Variants in SDHAF4 observed in about 807,000 individuals in gnomAD.
The protein encoded by SDHAF4 is succinate dehydrogenase complex assembly factor 4.
In SDHAF4, 14 loss-of-function variants were observed where a neutral mutation model predicts 14.3. That is an observed-to-expected ratio of 0.98 (90% CI 0.65 to 1.53). The LOEUF is 1.53. Ranked by LOEUF, SDHAF4 falls within the 40% of genes most tolerant of loss-of-function variation. The pLI, the probability that SDHAF4 is intolerant of heterozygous loss-of-function variation, is 0.00. For missense variants in SDHAF4, 141 were observed against 129.3 expected, an observed-to-expected ratio of 1.09 and a Z score of -0.44; for synonymous variants, 63 against 47.3, an observed-to-expected ratio of 1.33 and a Z score of -1.36.
At position 70,579,473 on chromosome 6, in the gene SDHAF4, G is replaced by GT; in HGVS notation, c.124_125insT (p.Glu42ValfsTer8). 1 of 1,611,332 alleles carries GT rather than the reference G, an allele frequency of 6.2e-7. No individual in the cohort carries two copies. The highest frequency in any genetic ancestry group is 8.5e-7 in the Non-Finnish European group (1 of 1,178,530). On this transcript the variant is annotated frameshift_variant, in exon 2 of 3. Transcript: ENST00000370474. LOFTEE classifies it high-confidence loss of function. The stretch of plus-strand genomic sequence containing the variant: ...AAGTTCTTCTCAAGGAGGAAAGTCT[G>GT]AACTTGTCAAACAGTCCCTTAAGAA...
Position 70,588,625 on chromosome 6 carries a change from T to A in SDHAF4, c.228T>A (p.Asp76Glu). The A allele has an allele frequency of 6.3e-7, 1 of 1,584,280 alleles. No homozygotes were observed. The highest frequency in any genetic ancestry group is 8.6e-7 in the Non-Finnish European group (1 of 1,159,552). Residue 76 changes from aspartate to glutamate, a missense_variant, in exon 3 of 3, where the codon GAT (aspartate) becomes GAA (glutamate). By Grantham distance (45) the Asp-to-Glu change is conservative. Coordinates refer to ENST00000370474, the MANE Select transcript of SDHAF4 (RefSeq NM_145267.3). ...TCTCGTTTTCCTTAGAATTTCCAGA[T>A]GATGTTAATCCAGTGACCAAAGAAA... Reference protein sequence around the residue: ...LEKEPLEKFPDDVNPVTKEKG... With the variant: ...LEKEPLEKFPEDVNPVTKEKG...
At chr6:70,577,657 C>T (rs1222147045) in intron 1 of SDHAF4, among the ~76,000 whole-genome samples, 1 of 152,140 alleles carries the variant, frequency 6.6e-6, no homozygotes, top group Non-Finnish European at 1.5e-5. Flanking sequence ...AATCCCATCA[C>T]CCAGGTAATG....
At chr6:70,572,993 A>G (rs1201344482) in intron 1 of SDHAF4, among the ~76,000 whole-genome samples, 2 of 151,886 alleles carry the variant, frequency 1.3e-5, no homozygotes, top group East Asian at 3.9e-4. Flanking sequence ...CTTTTTTCTG[A>G]GAGACAGAGT....
rs1430588174 is a variant in SDHAF4, at chr6:70,566,975, G to A, written c.35G>A (p.Trp12Ter). The A allele has an allele frequency of 1.3e-6, 2 of 1,593,002 alleles. No homozygotes were observed. The highest frequency in any genetic ancestry group is 1.8e-5 in the Admixed American group (1 of 57,018). ...TCGAGGCTTCCCTGGTTGCTTAGCTGGGTCTCGGCCACGGCGTGGAGAGCG... is the reference window on the plus strand; with the variant it reads ...TCGAGGCTTCCCTGGTTGCTTAGCTAGGTCTCGGCCACGGCGTGGAGAGCG... ...TPSRLPWLLSWVSATAWRAAR... is the reference protein window; with the variant it reads ...TPSRLPWLLS Residue 12 changes from tryptophan (W) to a stop codon, truncating the protein, a stop_gained, in exon 1 of 3, where the codon TGG (tryptophan) becomes TAG (stop). Coordinates refer to ENST00000370474, the MANE Select transcript of SDHAF4 (RefSeq NM_145267.3). LOFTEE classifies it high-confidence loss of function.
At chr6:70,572,648 G>A (rs1802199568) in intron 1 of SDHAF4, among the ~76,000 whole-genome samples, 1 of 150,562 alleles carries the variant, frequency 6.6e-6, no homozygotes. Flanking sequence ...CATTTTCCGT[G>A]GTTTTTTTTT....
chr6:70,575,033 T>C (rs962566551), intron 1 of SDHAF4, among the ~76,000 whole-genome samples: 1 of 152,214 alleles, frequency 6.6e-6, no homozygotes, highest in Non-Finnish European at 1.5e-5. Flanking sequence ...TTTAAGAGAC[T>C]GTCATCTCCC....
chr6:70,579,605 A>G lies in SDHAF4; in HGVS notation c.217+39A>G, dbSNP rs376908041. On this transcript the variant is annotated intron_variant, in intron 2 of 2. Transcript: ENST00000370474. ...AGCACCTCTCAGTTTTTGAAGTATCAAGGAAAGTGTTTTAGTTATTGAGAA... is the reference window on the plus strand; with the variant it reads ...AGCACCTCTCAGTTTTTGAAGTATCGAGGAAAGTGTTTTAGTTATTGAGAA... 5.3e-6 allele frequency: 8 copies of G among 1,515,348 alleles called. No individual in the cohort carries two copies. The Admixed American group carries it at 8.6e-5, about 16-fold the overall frequency. The allele number at this position is 1,515,348 out of a possible 1,614,324, so 93.9% of individuals were successfully genotyped here.
chr6:70,589,708 G>C (rs1205104657), downstream of SDHAF4: 1 of 152,070 alleles, frequency 6.6e-6, no homozygotes, highest in East Asian at 1.9e-4. Flanking sequence ...CCAATCACTT[G>C]GGTTCAAATT....
intron 1 of SDHAF4, 96 bp from the exon 2 acceptor site, chr6:70,579,318 A>C (rs928956240): frequency 3.0e-6 from 3 of 997,700 alleles, no homozygotes; most frequent in Non-Finnish European, 4.0e-6. Flanking sequence ...GAGAAATGTG[A>C]ATGTATAAAC....
At chr6:70,568,811 T>C (rs1038181764) in intron 1 of SDHAF4, among the ~76,000 whole-genome samples, 2 of 152,216 alleles carry the variant, frequency 1.3e-5, no homozygotes, top group African/African-American at 2.4e-5. Context: ...TTCCACAAAC[T>C]TGCCGAAACT....
chr6:70,577,113 G>T (rs1802265648), intron 1 of SDHAF4, among the ~76,000 whole-genome samples: 1 of 152,096 alleles, frequency 6.6e-6, no homozygotes, highest in Non-Finnish European at 1.5e-5. Context: ...CATCGGGTCT[G>T]GTCTGTCTTC....
In SDHAF4 at chr6:70,567,259, C is replaced by A. The variant is rs547463920; in HGVS notation, c.64+255C>A. On this transcript the variant is annotated intron_variant, in intron 1 of 2. Coordinates refer to ENST00000370474, the MANE Select transcript of SDHAF4 (RefSeq NM_145267.3). ...CCCGGGACGTCCGCTTCCTACCGAG[C>A]ACGCGGTGGCCCAACAGGACCACAA... is the stretch of plus-strand genomic sequence containing the variant. 9.2e-5 allele frequency among the ~76,000 whole-genome samples: 14 copies of A among 152,326 alleles called. No individual in the cohort carries two copies. The South Asian group carries it at 2.9e-3, about 32-fold the overall frequency.
downstream of SDHAF4, among the ~76,000 whole-genome samples, chr6:70,592,265 A>T (rs1765263805): frequency 6.6e-6 from 1 of 152,226 alleles, no homozygotes; most frequent in Non-Finnish European, 1.5e-5. Flanking sequence ...TGGAAGCCGC[A>T]TGGGAACTGG....
chr6:70,588,691 T>C lies in SDHAF4; in HGVS notation c.294T>C (p.Asp98=), dbSNP rs148136940. 116 of 1,606,408 alleles carry C rather than the reference T, an allele frequency of 7.2e-5. No homozygotes were observed. Among genetic ancestry groups the C allele is most frequent in the Non-Finnish European group, 9.3e-5 (109 of 1,174,958 alleles). The change falls in exon 3 of 3, where the codon GAT becomes GAC. Residue 98 remains aspartate, a synonymous_variant. Transcript: ENST00000370474. ...PRGPEPTRYG[D]WERKGRCIDF ...GCCCAGAACCTACCCGATATGGAGA[T>C]TGGGAACGAAAAGGACGCTGTATTG...
At chr6:70,595,835 CAAAA>C in the SDHAF4 span, among the ~76,000 whole-genome samples, 1 of 98,704 alleles carries the variant, frequency 1.0e-5, no homozygotes, top group Non-Finnish European at 2.0e-5. Context: ...GACTCTATCT[CAAAA>C]AAAAAAAAAA....
chr6:70,574,586 A>G lies in SDHAF4; in HGVS notation c.65-4828A>G, dbSNP rs1252621155. On this transcript the variant is annotated intron_variant, in intron 1 of 2. Coordinates refer to ENST00000370474, the MANE Select transcript of SDHAF4 (RefSeq NM_145267.3). ...AATGCAAGAATCACAAGTCCCACCT[A>G]GAACTACTCAGAATCTGCATTTTAA... Among the ~76,000 whole-genome samples, 6 of 152,200 alleles carry G rather than the reference A, an allele frequency of 3.9e-5. No homozygotes were observed. In the East Asian group the frequency reaches 1.2e-3, roughly 29 times the overall value.
At chr6:70,584,237 G>A (rs1441287695) in intron 2 of SDHAF4, among the ~76,000 whole-genome samples, 3 of 152,118 alleles carry the variant, frequency 2.0e-5, no homozygotes, top group African/African-American at 7.2e-5. Context: ...GGCTGGTCTC[G>A]AACTGCTGAC....
downstream of SDHAF4, among the ~76,000 whole-genome samples, chr6:70,591,218 CAACAT>C (rs2128536827): frequency 6.6e-6 from 1 of 151,886 alleles, no homozygotes; most frequent in Non-Finnish European, 1.5e-5. Context: ...TTAGCCAACA[CAACAT>C]GTTAGCCACT....
intron 2 of SDHAF4, among the ~76,000 whole-genome samples, chr6:70,584,126 C>T (rs149343728): frequency 0.016 from 2,444 of 152,090 alleles, 58 homozygotes; most frequent in African/African-American, 0.055. Flanking sequence ...CGGGTTCAAG[C>T]GAGTCTCCTT....
Sources: gnomAD v4.1 joint callset for allele counts (sites outside exome capture counted in the v4.1 genomes callset) on GRCh38, gnomAD v4.1.1 for gene constraint, MANE v1.5 for transcripts, NCBI Gene and HGNC (gene_info 2026-07-23, HGNC 2026-07-21) for gene names.